Variants in SLC12A4 observed in about 807,000 individuals in gnomAD.
SLC12A4 encodes electroneutral potassium-chloride cotransporter 1.
A neutral mutation model predicts 119.2 loss-of-function variants in SLC12A4; 84 were observed. That is an observed-to-expected ratio of 0.70 (90% CI 0.59 to 0.85). The LOEUF (loss-of-function observed/expected upper bound fraction) is 0.85, where lower values mean the gene tolerates loss of function less well. SLC12A4 is among the 40% of genes least tolerant of loss of function. SLC12A4 has a pLI of 0.00. For synonymous variants in SLC12A4, 599 were observed against 604.6 expected (o/e 0.99, Z 0.14); for missense variants, 1,298 against 1,476.3 (o/e 0.88, Z 1.98).
Position 67,947,062 on chromosome 16 carries a change from C to G in SLC12A4, c.2116G>C (p.Val706Leu). 6.2e-7 allele frequency: 1 copy of G among 1,610,430 alleles called. No individual in the cohort carries two copies. The highest frequency in any genetic ancestry group is 1.3e-5 in the African/African-American group (1 of 74,940). Residue 706 changes from valine to leucine, a missense_variant, in exon 17 of 24, where the codon GTG becomes CTG. Coordinates refer to ENST00000316341, the MANE Select transcript of SLC12A4 (RefSeq NM_005072.5). ...VLLKLDEDLH[V>L]KYPRLLTFAS... is the part of the protein sequence containing the mutation. ...AAGGTGAGGAGCCGCGGGTACTTCACGTGGAGGTCCTCGTCCAGCTTCAGC... is the reference window on the plus strand; with the variant it reads ...AAGGTGAGGAGCCGCGGGTACTTCAGGTGGAGGTCCTCGTCCAGCTTCAGC...
intron 13 of SLC12A4, among the ~76,000 whole-genome samples, 180 bp from the exon 14 acceptor site, chr16:67,948,339 G>A (rs908622807): frequency 6.6e-6 from 1 of 152,264 alleles, no homozygotes; most frequent in Non-Finnish European, 1.5e-5. Flanking sequence ...TACTGTGGAG[G>A]AGTCCTCGGA....
Position 67,947,754 on chromosome 16 carries a change from C to A in SLC12A4, c.1882G>T (p.Ala628Ser). Residue 628 changes from alanine to serine, a missense_variant, in exon 15 of 24, where the codon GCC (alanine) becomes TCC (serine). Coordinates refer to ENST00000316341, the MANE Select transcript of SLC12A4 (RefSeq NM_005072.5). ...LSFLGMSLCL[A>S]LMFVSSWYYA... is the part of the protein sequence containing the mutation. ...TACCAGGAGGAGACAAACATAAGGG[C>A]CAGGCAGAGACTCATGCCCAGGAAG... 6.2e-7 allele frequency: 1 copy of A among 1,600,458 alleles called. No homozygotes were observed. Among genetic ancestry groups the A allele is most frequent in the Non-Finnish European group, 8.5e-7 (1 of 1,173,834 alleles).
rs2058413690 is a variant in SLC12A4 at position 67,951,316 on chromosome 16, G to T, written c.1133-12C>A. 6.2e-7 allele frequency: 1 copy of T among 1,608,746 alleles called. No individual in the cohort carries two copies. The highest frequency in any genetic ancestry group is 8.5e-7 in the Non-Finnish European group (1 of 1,176,580). On this transcript the variant is annotated splice_polypyrimidine_tract_variant and intron_variant, in intron 8 of 23. Transcript: ENST00000316341. The surrounding 1 kb of genome is among the most constrained non-coding windows in gnomAD (Gnocchi z 5.2). ...GCTCCACAGGTTTTCTGCAGGGGTA[G>T]CTGTGTCACCACCACAGCTGCCCCC...
In SLC12A4 at chr16:67,947,767, C is replaced by G; in HGVS notation, c.1869G>C (p.Met623Ile). The change falls in exon 15 of 24, where the codon ATG becomes ATC. Residue 623 changes from methionine (M) to isoleucine (I), a missense_variant. Met to Ile is a conservative substitution (Grantham distance 10). Transcript: ENST00000316341. The part of the protein sequence containing the change: ...YYHWALSFLG[M>I]SLCLALMFVS... ...CAAACATAAGGGCCAGGCAGAGACTCATGCCCAGGAAGGACAGCGCCCTGG... is the reference window on the plus strand; with the variant it reads ...CAAACATAAGGGCCAGGCAGAGACTGATGCCCAGGAAGGACAGCGCCCTGG... 1 of 1,599,408 alleles carries G rather than the reference C, an allele frequency of 6.3e-7. No homozygotes were observed.
chr16:67,967,392 C>T (rs1339681982), intron 1 of SLC12A4, among the ~76,000 whole-genome samples: 1 of 152,226 alleles, frequency 6.6e-6, no homozygotes, highest in Non-Finnish European at 1.5e-5. Context: ...CCATCCTCAT[C>T]ACTGTCAACC....
rs774238914 is a variant in SLC12A4, at chr16:67,946,284, C to T, written c.2494G>A (p.Ala832Thr). The T allele has an allele frequency of 1.1e-5, 17 of 1,613,156 alleles. No individual in the cohort carries two copies. The highest frequency in any genetic ancestry group is 5.0e-5 in the Admixed American group (3 of 60,016). Residue 832 changes from alanine to threonine, a missense_variant, in exon 19 of 24, where the codon GCC (alanine) becomes ACC (threonine). Physicochemically the swap from Ala to Thr is moderately conservative, Grantham distance 58. Transcript: ENST00000316341. ...CGCTCGTGGTTGCTGGGGTAGAAGG[C>T]GATGTTCTTGGGCACGAGCAGGGCC... Reference protein sequence around the residue: ...HLALLVPKNIAFYPSNHERYL... With the variant: ...HLALLVPKNITFYPSNHERYL...
intron 6 of SLC12A4, among the ~76,000 whole-genome samples, chr16:67,953,529 G>A (rs1003543519): frequency 1.3e-5 from 2 of 152,264 alleles, no homozygotes; most frequent in Non-Finnish European, 2.9e-5. Flanking sequence ...CTGGTTGCCA[G>A]GGCTGGCGGG....
In SLC12A4 at chr16:67,968,487, G is replaced by A; in HGVS notation, c.67C>T (p.Leu23Phe). ...RRGDYDNLEGLSWVDYGERAE... is the reference protein window; with the variant it reads ...RRGDYDNLEGFSWVDYGERAE... Reference sequence around the variant, plus strand: ...CGCTCCCCGTAGTCCACCCAACTGAGCCCCTCGAGGTTGTCATAGTCGCCG... The same window carrying A: ...CGCTCCCCGTAGTCCACCCAACTGAACCCCTCGAGGTTGTCATAGTCGCCG... Residue 23 changes from leucine (L) to phenylalanine (F), a missense_variant, in exon 1 of 24, where the codon CTC becomes TTC. Physicochemically the swap from Leu to Phe is conservative, Grantham distance 22 (BLOSUM62 0). Coordinates refer to ENST00000316341, the MANE Select transcript of SLC12A4 (RefSeq NM_005072.5). The A allele has an allele frequency of 6.3e-7, 1 of 1,586,626 alleles. No homozygotes were observed. The highest frequency in any genetic ancestry group is 8.5e-7 in the Non-Finnish European group (1 of 1,170,656).
At chr16:67,961,764 G>A (rs2030590711) in intron 2 of SLC12A4, 58 bp from the exon 3 acceptor site, 2 of 1,603,358 alleles carry the variant, frequency 1.2e-6, no homozygotes, top group South Asian at 2.2e-5. Flanking sequence ...CAGCTGTGTG[G>A]AGCCAGCTGC....
rs1195694657 is a variant in SLC12A4 at position 67,957,905 on chromosome 16, C to T, written c.482G>A (p.Cys161Tyr). The change falls in exon 4 of 24, where the codon TGC becomes TAC. Residue 161 changes from cysteine to tyrosine, a missense_variant. By Grantham distance (194) the Cys-to-Tyr change is radical. Coordinates refer to ENST00000316341, the MANE Select transcript of SLC12A4 (RefSeq NM_005072.5). Reference protein sequence around the residue: ...LQALLIVLICCCCTLLTAISM... With the variant: ...LQALLIVLICYCCTLLTAISM... Reference sequence around the variant, plus strand: ...CCACGCCAGGACACTCACACAACAGCAGCAGATAAGCACGATGAGGAGGGC... The same window carrying T: ...CCACGCCAGGACACTCACACAACAGTAGCAGATAAGCACGATGAGGAGGGC... The T allele has an allele frequency of 6.2e-7, 1 of 1,614,070 alleles. No individual in the cohort carries two copies. The highest frequency in any genetic ancestry group is 2.2e-5 in the East Asian group (1 of 44,898).
intron 2 of SLC12A4, 64 bp downstream of exon 2, chr16:67,963,401 G>T: frequency 9.0e-7 from 1 of 1,112,812 alleles, no homozygotes; most frequent in South Asian, 1.5e-5. Context: ...CACGTGTCCA[G>T]CCTGCCTGCT....
At position 67,945,996 on chromosome 16, in the gene SLC12A4, A is replaced by G; in HGVS notation, c.2694T>C (p.Phe898=). The change falls in exon 20 of 24, where the codon TTT becomes TTC. Residue 898 remains phenylalanine (F), a synonymous_variant. Transcript: ENST00000316341. ...CGGCCTCAAGGCGCAGATGGTACAGAAAGACAGCCAGGTCCTTCTTCATCT... is the reference window on the plus strand; with the variant it reads ...CGGCCTCAAGGCGCAGATGGTACAGGAAGACAGCCAGGTCCTTCTTCATCT... ...SIQMKKDLAV[F]LYHLRLEAEV... The G allele has an allele frequency of 6.2e-7, 1 of 1,614,090 alleles. No individual in the cohort carries two copies. Among genetic ancestry groups the G allele is most frequent in the Non-Finnish European group, 8.5e-7 (1 of 1,180,008 alleles).
chr16:67,947,383 G>A lies in SLC12A4; in HGVS notation c.2020C>T (p.Arg674Cys), dbSNP rs150773539. 279 of 1,612,722 alleles carry A rather than the reference G, an allele frequency of 1.7e-4. No homozygotes were observed. The highest frequency in any genetic ancestry group is 2.3e-4 in the Non-Finnish European group (267 of 1,179,880). ...TCCTCCAGCCGCAACAGCGCGTAGC[G>A]GGCAGCGCTCAGGGACAGGCCTCGG... is the stretch of plus-strand genomic sequence containing the variant. ...GIRGLSLSAA[R>C]YALLRLEEGP... The change falls in exon 16 of 24, where the codon CGC becomes TGC. Residue 674 changes from arginine to cysteine, a missense_variant. Physicochemically the swap from Arg to Cys is radical, Grantham distance 180. Coordinates refer to ENST00000316341, the MANE Select transcript of SLC12A4 (RefSeq NM_005072.5).
chr16:67,958,103 T>A, intron 3 of SLC12A4, 59 bp from the exon 4 acceptor site: 2 of 1,561,020 alleles, frequency 1.3e-6, no homozygotes, highest in Non-Finnish European at 1.7e-6. Flanking sequence ...CCATGGAGAG[T>A]CAGCCCTAGT....
intron 6 of SLC12A4, 75 bp downstream of exon 6, chr16:67,954,568 C>A: frequency 6.3e-7 from 1 of 1,578,616 alleles, no homozygotes; most frequent in Non-Finnish European, 8.7e-7. Flanking sequence ...GGATGAACAG[C>A]CTGAGCCTTC....
chr16:67,964,210 A>G, intron 1 of SLC12A4: 1 of 988,004 alleles, frequency 1.0e-6, no homozygotes, highest in Non-Finnish European at 1.4e-6. Context: ...GAGCAGGGAG[A>G]AAAATGGGAG....
chr16:67,944,269 G>T lies in SLC12A4; in HGVS notation c.*571C>A. The stretch of plus-strand genomic sequence containing the variant: ...CCTCAGGGAGCCGGCTCTGGGCCTG[G>T]GTTCAGTTCCGCCTTCTTCTCTTGG... On this transcript the variant is annotated 3_prime_UTR_variant, in exon 24 of 24. Coordinates refer to ENST00000316341, the MANE Select transcript of SLC12A4 (RefSeq NM_005072.5). This position sits in a 1 kb window ranked among gnomAD's most constrained non-coding sequence, Gnocchi z 6.6. 7.0e-7 allele frequency: 1 copy of T among 1,422,086 alleles called. No homozygotes were observed. The highest frequency in any genetic ancestry group is 9.2e-7 in the Non-Finnish European group (1 of 1,089,484). 88.1% of individuals were successfully genotyped at this position (1,422,086 alleles called of 1,614,324 possible). A position where few individuals can be genotyped will look rare whatever the true frequency, so the allele number is the denominator to read the frequency against.
Position 67,952,190 on chromosome 16 carries a change from A to C in SLC12A4, c.911T>G (p.Val304Gly). 2 of 1,613,976 alleles carry C rather than the reference A, an allele frequency of 1.2e-6. No individual in the cohort carries two copies. Among genetic ancestry groups the C allele is most frequent in the Non-Finnish European group, 1.7e-6 (2 of 1,179,912 alleles). Residue 304 changes from valine to glycine, a missense_variant, in exon 7 of 24, where the codon GTG becomes GGG. By Grantham distance (109) the Val-to-Gly change is moderately radical (BLOSUM62 -3). Coordinates refer to ENST00000316341, the MANE Select transcript of SLC12A4 (RefSeq NM_005072.5). Reference protein sequence around the residue: ...GGIKSIFDPPVFPVCMLGNRT... With the variant: ...GGIKSIFDPPGFPVCMLGNRT... Reference sequence around the variant, plus strand: ...AAATTCCTGGGTTACTTACGGAAACACGGGAGGGTCAAATATAGACTTTAT... The same window carrying C: ...AAATTCCTGGGTTACTTACGGAAACCCGGGAGGGTCAAATATAGACTTTAT...
At chr16:67,952,580 C>T (rs1386131239) in intron 6 of SLC12A4, among the ~76,000 whole-genome samples, 155 bp from the exon 7 acceptor site, 1 of 151,162 alleles carries the variant, frequency 6.6e-6, no homozygotes, top group Non-Finnish European at 1.5e-5. Context: ...TGGGGGATCA[C>T]TTGAGGTCAG....
Sources: allele counts gnomAD v4.1 joint callset (sites outside exome capture counted in the v4.1 genomes callset), GRCh38; gene constraint gnomAD v4.1.1; non-coding constraint Gnocchi (gnomAD v3.1); transcripts MANE v1.5; gene names NCBI Gene and HGNC (gene_info 2026-07-23, HGNC 2026-07-21).